ATXN7: variants seen among roughly 807,000 people sequenced by gnomAD.
The protein encoded by ATXN7 is ataxin-7.
In ATXN7, 12 loss-of-function variants were observed where a neutral mutation model predicts 70.5. The observed-to-expected ratio is 0.17, with a 90% confidence interval of 0.11 to 0.28. The LOEUF (loss-of-function observed/expected upper bound fraction) is 0.28, where lower values mean the gene tolerates loss of function less well. ATXN7 is among the 10% of genes least tolerant of loss of function. The probability of loss-of-function intolerance (pLI) is 1.00; values close to 1 mark genes in which losing one functional copy is unlikely to be tolerated. For synonymous variants in ATXN7, 498 were observed against 448.7 expected (o/e 1.11, Z -1.39); for missense variants, 1,256 against 1,131.7 (o/e 1.11, Z -1.58).
At chr3:63,969,306 G>A (rs561389868) in intron 5 of ATXN7, among the ~76,000 whole-genome samples, 3 of 152,216 alleles carry the variant, frequency 2.0e-5, no homozygotes, top group Non-Finnish European at 2.9e-5. Context: ...GATATAAAAA[G>A]GATATAAAAC....
At chr3:63,998,680 T>C in intron 12 of ATXN7, 15 of 985,238 alleles carry the variant, frequency 1.5e-5, no homozygotes, top group Non-Finnish European at 1.8e-5. Flanking sequence ...GATCAAAGGA[T>C]CATTGAACCC....
At chr3:63,983,622 A>G (rs2075524890) in intron 8 of ATXN7, among the ~76,000 whole-genome samples, 1 of 152,118 alleles carries the variant, frequency 6.6e-6, no homozygotes, top group African/African-American at 2.4e-5. Flanking sequence ...TTAAGAGAAA[A>G]AAAAAACTAG....
At chr3:63,879,924 A>C (rs1702858623) in intron 1 of ATXN7, among the ~76,000 whole-genome samples, 1 of 151,778 alleles carries the variant, frequency 6.6e-6, no homozygotes, top group Non-Finnish European at 1.5e-5. Context: ...TCTACTAAAA[A>C]AAATACAAAA....
At chr3:63,934,804 A>G (rs1273173754) in intron 4 of ATXN7, among the ~76,000 whole-genome samples, 2 of 152,190 alleles carry the variant, frequency 1.3e-5, no homozygotes, top group Non-Finnish European at 2.9e-5. Flanking sequence ...GCTTTAATTA[A>G]TGTAGAGTTT....
intron 4 of ATXN7, among the ~76,000 whole-genome samples, chr3:63,934,150 A>T (rs2074614455): frequency 6.6e-6 from 1 of 152,178 alleles, no homozygotes; most frequent in Non-Finnish European, 1.5e-5. Flanking sequence ...TTCCTCCAGG[A>T]GCTGGGGAAG....
At chr3:63,886,110 G>T (rs1703078957) in intron 1 of ATXN7, among the ~76,000 whole-genome samples, 1 of 152,182 alleles carries the variant, frequency 6.6e-6, no homozygotes, top group Admixed American at 6.5e-5. Flanking sequence ...TTGACAACAT[G>T]GGTGAACCTG....
chr3:63,927,787 A>G (rs957436689), intron 4 of ATXN7, among the ~76,000 whole-genome samples: 18 of 151,948 alleles, frequency 1.2e-4, no homozygotes, highest in African/African-American at 4.4e-4. Context: ...GAACTACTGT[A>G]CTGGAGACAG....
At chr3:63,973,259 A>T (rs2075342668) in intron 5 of ATXN7, among the ~76,000 whole-genome samples, 2 of 152,296 alleles carry the variant, frequency 1.3e-5, no homozygotes, top group Admixed American at 1.3e-4. Flanking sequence ...TACTCAACCC[A>T]TACATATCAA....
intron 1 of ATXN7, chr3:63,864,434 CG>C (rs919189972): frequency 2.0e-4 from 31 of 152,224 alleles, no homozygotes; most frequent in African/African-American, 6.7e-4. Flanking sequence ...CGCGCTGGGG[CG>C]GGTCTCGAAC....
chr3:63,872,549 C>T (rs1427419372), intron 1 of ATXN7, among the ~76,000 whole-genome samples: 3 of 152,156 alleles, frequency 2.0e-5, no homozygotes, highest in Non-Finnish European at 4.4e-5. Flanking sequence ...GAGGCTTAAG[C>T]TTAAGAGTCA....
intron 11 of ATXN7, 162 bp downstream of exon 11, chr3:63,991,021 T>C: frequency 1.0e-6 from 1 of 985,294 alleles, no homozygotes; most frequent in Non-Finnish European, 1.5e-6. Flanking sequence ...CATTTACCCC[T>C]TTACCCCACA....
chr3:63,992,014 G>C (rs989469852), intron 11 of ATXN7, among the ~76,000 whole-genome samples: 1 of 152,108 alleles, frequency 6.6e-6, no homozygotes, highest in Admixed American at 6.5e-5. Flanking sequence ...TGACTTTGGT[G>C]AATAGTAAGC....
intron 5 of ATXN7, among the ~76,000 whole-genome samples, chr3:63,959,653 T>G (rs1243131680): frequency 2.0e-5 from 3 of 152,190 alleles, no homozygotes; most frequent in Non-Finnish European, 4.4e-5. Context: ...AAAGGTTTAT[T>G]CTCTCTCAGC....
chr3:63,894,648 C>T (rs528284799), intron 1 of ATXN7, among the ~76,000 whole-genome samples: 1 of 152,258 alleles, frequency 6.6e-6, no homozygotes, highest in Non-Finnish European at 1.5e-5. Flanking sequence ...CCTAAGCCTC[C>T]TGAGGAACTG....
chr3:63,937,543 GA>G (rs1402131626), intron 4 of ATXN7, among the ~76,000 whole-genome samples: 3 of 152,180 alleles, frequency 2.0e-5, no homozygotes, highest in Non-Finnish European at 4.4e-5. Context: ...TAACTTACGT[GA>G]ATAGTTTTAC....
chr3:63,916,980 C>CA (rs1279058631), intron 4 of ATXN7, among the ~76,000 whole-genome samples: 13 of 152,060 alleles, frequency 8.5e-5, no homozygotes, highest in African/African-American at 3.1e-4. Flanking sequence ...ATGGTACAGG[C>CA]ACGATCTGTG....
At chr3:63,916,060 A>C (rs925779331) in intron 4 of ATXN7, among the ~76,000 whole-genome samples, 3 of 152,194 alleles carry the variant, frequency 2.0e-5, no homozygotes, top group Non-Finnish European at 4.4e-5. Flanking sequence ...TTTTGGACCT[A>C]GGGGTTAGAA....
At chr3:63,867,218 G>A (rs1702457296) in intron 1 of ATXN7, among the ~76,000 whole-genome samples, 1 of 152,082 alleles carries the variant, frequency 6.6e-6, no homozygotes, top group African/African-American at 2.4e-5. Flanking sequence ...TTGTGTATGT[G>A]TATTTTTCTG....
chr3:63,892,513 A>C (rs997865329), intron 1 of ATXN7, among the ~76,000 whole-genome samples: 43 of 144,886 alleles, frequency 3.0e-4, no homozygotes, highest in South Asian at 4.5e-4. Flanking sequence ...ACACACACAC[A>C]CCCCAACTCC....
Sources: allele counts gnomAD v4.1 joint callset (sites outside exome capture counted in the v4.1 genomes callset), GRCh38; gene constraint gnomAD v4.1.1; transcripts MANE v1.5; gene names NCBI Gene and HGNC (gene_info 2026-07-23, HGNC 2026-07-21).